Variants in SRGAP2B observed in about 807,000 individuals in gnomAD.
SRGAP2B encodes SLIT-ROBO Rho GTPase-activating protein 2B.
A neutral mutation model predicts 22.2 loss-of-function variants in SRGAP2B; 9 were observed. The ratio of observed to expected loss-of-function variants is 0.41; its 90% CI spans 0.24 to 0.71. The LOEUF (loss-of-function observed/expected upper bound fraction) is 0.71, where lower values mean the gene tolerates loss of function less well. SRGAP2B is among the 30% of genes least tolerant of loss of function. The probability of loss-of-function intolerance (pLI) is 0.35; values close to 1 mark genes in which losing one functional copy is unlikely to be tolerated. For missense variants in SRGAP2B, 114 were observed against 235.8 expected, an observed-to-expected ratio of 0.48 and a Z score of 3.38; for synonymous variants, 36 against 87.4, an observed-to-expected ratio of 0.41 and a Z score of 3.28.
intron 4 of SRGAP2B, among the ~76,000 whole-genome samples, chr1:144,942,411 T>TTTTA (rs58172421): frequency 2.7e-5 from 4 of 147,508 alleles, no homozygotes; most frequent in African/African-American, 7.8e-5. Context: ...GGCATTTTTA[T>TTTTA]TTTATTTATT....
chr1:144,909,783 C>T (rs1406823633), intron 5 of SRGAP2B, among the ~76,000 whole-genome samples: 25 of 150,350 alleles, frequency 1.7e-4, no homozygotes, highest in Non-Finnish European at 2.8e-4. Flanking sequence ...TTGAGATGGT[C>T]TAGGCCTCTT....
chr1:144,941,700 G>A (rs1666064804), intron 4 of SRGAP2B, among the ~76,000 whole-genome samples: 4 of 148,770 alleles, frequency 2.7e-5, no homozygotes, highest in Admixed American at 2.7e-4. Context: ...TAAAAATCAT[G>A]CTCAGACAAG....
intron 3 of SRGAP2B, among the ~76,000 whole-genome samples, chr1:144,956,439 CTTTTTTTTT>C (rs3069132): frequency 1.0e-5 from 1 of 95,380 alleles, no homozygotes; most frequent in African/African-American, 4.6e-5. Context: ...TGCTCATTCC[CTTTTTTTTT>C]TTTTTTTTTT....
intron 3 of SRGAP2B, among the ~76,000 whole-genome samples, chr1:144,971,376 C>T (rs2102014026): frequency 6.7e-6 from 1 of 150,234 alleles, no homozygotes; most frequent in South Asian, 2.1e-4. Flanking sequence ...GGTGATCTGT[C>T]CACATTGGCC....
chr1:145,012,748 TC>T (rs2102247078), intron 2 of SRGAP2B, among the ~76,000 whole-genome samples: 1 of 136,318 alleles, frequency 7.3e-6, no homozygotes, highest in East Asian at 2.1e-4. Context: ...GCTACCATAA[TC>T]CAGATGCCAG....
intron 3 of SRGAP2B, among the ~76,000 whole-genome samples, chr1:144,974,027 A>G (rs1397360860): frequency 6.6e-6 from 1 of 151,112 alleles, no homozygotes; most frequent in Non-Finnish European, 1.5e-5. Context: ...GACATAGGAC[A>G]TAAGGTCCCT....
chr1:144,932,067 G>A (rs1211170815), intron 4 of SRGAP2B, among the ~76,000 whole-genome samples: 2 of 147,534 alleles, frequency 1.4e-5, no homozygotes, highest in East Asian at 2.0e-4. Flanking sequence ...ACACCCAGGG[G>A]AAAGGAAATC....
intron 4 of SRGAP2B, among the ~76,000 whole-genome samples, chr1:144,932,189 G>C (rs1225906485): frequency 6.7e-6 from 1 of 148,804 alleles, no homozygotes; most frequent in Non-Finnish European, 1.5e-5. Flanking sequence ...TTCCATGCCA[G>C]GCTGTCCTCT....
chr1:144,994,612 C>T (rs1297322148), intron 3 of SRGAP2B, among the ~76,000 whole-genome samples: 1 of 81,600 alleles, frequency 1.2e-5, no homozygotes, highest in Non-Finnish European at 2.6e-5. Context: ...GAGAGAGAGA[C>T]AGAGATTAAG....
At chr1:144,925,433 C>T (rs1664596076) in intron 4 of SRGAP2B, among the ~76,000 whole-genome samples, 1 of 142,438 alleles carries the variant, frequency 7.0e-6, no homozygotes, top group Admixed American at 6.9e-5. Flanking sequence ...CACTTGAGGT[C>T]AGGAGTTTGA....
At chr1:144,994,001 G>A (rs1172164677) in intron 3 of SRGAP2B, among the ~76,000 whole-genome samples, 2 of 149,990 alleles carry the variant, frequency 1.3e-5, no homozygotes, top group Non-Finnish European at 1.5e-5. Context: ...ATCAGCTATT[G>A]TATTAGCATA....
chr1:144,910,575 C>T (rs1663348223), intron 5 of SRGAP2B, among the ~76,000 whole-genome samples: 1 of 147,854 alleles, frequency 6.8e-6, no homozygotes, highest in East Asian at 2.0e-4. Flanking sequence ...GGAATAACAA[C>T]AGCCCCAAAG....
At chr1:145,031,384 GGAATGAGAGGGTAT>G (rs1553625995) in intron 2 of SRGAP2B, among the ~76,000 whole-genome samples, 3 of 137,430 alleles carry the variant, frequency 2.2e-5, no homozygotes, top group Non-Finnish European at 4.5e-5. Flanking sequence ...ACCCAGTCAG[GGAATGAGAGGGTAT>G]GAAGCTGGGC....
chr1:145,022,734 G>A (rs1553624341), intron 2 of SRGAP2B, among the ~76,000 whole-genome samples: 1 of 150,434 alleles, frequency 6.6e-6, no homozygotes, highest in Non-Finnish European at 1.5e-5. Flanking sequence ...TGCACTTGCT[G>A]CTGCCTTGGA....
intron 2 of SRGAP2B, among the ~76,000 whole-genome samples, chr1:145,044,650 T>TAAAAAAAAA (rs1184404731): frequency 9.8e-5 from 3 of 30,684 alleles, no homozygotes; most frequent in Non-Finnish European, 1.7e-4. Flanking sequence ...AACCCCCTCC[T>TAAAAAAAAA]AAAAAAAAAA....
intron 4 of SRGAP2B, among the ~76,000 whole-genome samples, chr1:144,921,172 T>C (rs1553604284): frequency 7.1e-6 from 1 of 141,632 alleles, no homozygotes; most frequent in East Asian, 2.1e-4. Context: ...TAAGTTAGTT[T>C]TTTTAGTTTA....
In SRGAP2B at chr1:144,969,717, A is replaced by G. The variant is rs1412756679; in HGVS notation, c.261-14116T>C. Among the ~76,000 whole-genome samples the G allele has an allele frequency of 1.3e-4, 19 of 150,822 alleles. No individual in the cohort carries two copies. In the East Asian group the frequency reaches 2.9e-3, roughly 23 times the overall value. ...TCAGAGTGAACAGGCAAACTACAAC[A>G]TGGGAGAAAATTTTTGCAACCTACT... On this transcript the variant is annotated intron_variant, in intron 3 of 9. Coordinates refer to ENST00000612199, the Ensembl canonical transcript of SRGAP2B.
At chr1:144,971,584 C>T (rs1346842527) in intron 3 of SRGAP2B, among the ~76,000 whole-genome samples, 2 of 150,942 alleles carry the variant, frequency 1.3e-5, no homozygotes, top group Non-Finnish European at 2.9e-5. Context: ...TATGAGCCAC[C>T]TCACCTGGCC....
intron 3 of SRGAP2B, among the ~76,000 whole-genome samples, chr1:144,993,497 T>C (rs1190195397): frequency 6.7e-6 from 1 of 150,234 alleles, no homozygotes; most frequent in Non-Finnish European, 1.5e-5. Context: ...GGCCAGGAGT[T>C]TGAGACCAAA....
Sources: allele counts gnomAD v4.1 joint callset (sites outside exome capture counted in the v4.1 genomes callset), GRCh38; gene constraint gnomAD v4.1.1; transcripts MANE v1.5; gene names NCBI Gene and HGNC (gene_info 2026-07-23, HGNC 2026-07-21).